CPEB3: variants seen among roughly 807,000 people sequenced by gnomAD.
The protein encoded by CPEB3 is cytoplasmic polyadenylation element-binding protein 3.
In CPEB3, 20 loss-of-function variants were observed where a neutral mutation model predicts 67.2. The ratio of observed to expected loss-of-function variants is 0.30; its 90% CI spans 0.21 to 0.43. The LOEUF (loss-of-function observed/expected upper bound fraction) is 0.43, where lower values mean the gene tolerates loss of function less well. Among genes scored for constraint, CPEB3 ranks in the 20% least tolerant of loss-of-function variants. The pLI is 1.00. For missense variants in CPEB3, 746 were observed against 968.6 expected (o/e 0.77, Z 3.05); for synonymous variants, 376 against 393.1 (o/e 0.96, Z 0.51).
intron 6 of CPEB3, among the ~76,000 whole-genome samples, chr10:92,113,141 A>C (rs538749595): frequency 6.6e-6 from 1 of 152,356 alleles, no homozygotes; most frequent in South Asian, 2.1e-4. Flanking sequence ...TAGTTGCAAG[A>C]GAGAGACTGC....
intron 2 of CPEB3, among the ~76,000 whole-genome samples, chr10:92,207,626 C>A (rs1275721794): frequency 2.6e-5 from 4 of 152,190 alleles, no homozygotes; most frequent in African/African-American, 9.7e-5. Context: ...AATACCAGCA[C>A]TTTGGGAGGC....
chr10:92,093,211 C>A (rs993581893), intron 7 of CPEB3, among the ~76,000 whole-genome samples: 1 of 152,128 alleles, frequency 6.6e-6, no homozygotes, highest in Admixed American at 6.6e-5. Flanking sequence ...AGAAAGGGAA[C>A]CTGGTATCTG....
intron 7 of CPEB3, among the ~76,000 whole-genome samples, chr10:92,097,725 A>C (rs1015341340): frequency 2.0e-5 from 3 of 152,178 alleles, no homozygotes; most frequent in Non-Finnish European, 4.4e-5. Flanking sequence ...AAGGTTTCCC[A>C]AAGTGTGTTC....
At chr10:92,063,494 G>A (rs1348717191) in intron 9 of CPEB3, among the ~76,000 whole-genome samples, 2 of 152,242 alleles carry the variant, frequency 1.3e-5, no homozygotes, top group Admixed American at 6.5e-5. Context: ...GCCGGGCCCA[G>A]TGGCTCACGC....
intron 6 of CPEB3, among the ~76,000 whole-genome samples, chr10:92,133,900 CCAA>C (rs990348774): frequency 3.8e-4 from 58 of 152,142 alleles, no homozygotes; most frequent in African/African-American, 1.4e-3. Flanking sequence ...ATAAACAGAA[CCAA>C]CAACAACAAA....
chr10:92,102,272 AG>A (rs1590140540), intron 7 of CPEB3, among the ~76,000 whole-genome samples: 1 of 152,188 alleles, frequency 6.6e-6, no homozygotes, highest in East Asian at 1.9e-4. Flanking sequence ...TCAGGCCTCA[AG>A]GCAAAAAGCT....
intron 4 of CPEB3, among the ~76,000 whole-genome samples, chr10:92,170,276 A>T (rs1847941152): frequency 6.6e-6 from 1 of 152,252 alleles, no homozygotes. Flanking sequence ...TTTAACATAT[A>T]AGATACTAAT....
chr10:92,218,807 CCTTTT>C (rs1850559228), intron 2 of CPEB3, among the ~76,000 whole-genome samples: 1 of 152,096 alleles, frequency 6.6e-6, no homozygotes, highest in African/African-American at 2.4e-5. Flanking sequence ...CACTTCCCCA[CCTTTT>C]CTTTTTTTTT....
chr10:92,108,547 A>C (rs1400910018), intron 7 of CPEB3, among the ~76,000 whole-genome samples: 5 of 152,206 alleles, frequency 3.3e-5, no homozygotes, highest in Non-Finnish European at 7.3e-5. Context: ...AGTTCATTAA[A>C]ATTGCAGGTG....
At chr10:92,290,550 G>C (rs1192092615) in intron 1 of CPEB3, among the ~76,000 whole-genome samples, 1 of 152,156 alleles carries the variant, frequency 6.6e-6, no homozygotes, top group East Asian at 1.9e-4. Context: ...TCCTGGAGAG[G>C]GAGAGAATCA....
chr10:92,077,708 C>G (rs1842986908), intron 9 of CPEB3, among the ~76,000 whole-genome samples: 1 of 150,668 alleles, frequency 6.6e-6, no homozygotes, highest in African/African-American at 2.4e-5. Context: ...GCACTCCAGC[C>G]TGGGTGACAG....
chr10:92,192,740 C>G (rs1849041881), intron 2 of CPEB3, 104 bp from the exon 3 acceptor site: 1 of 772,506 alleles, frequency 1.3e-6, no homozygotes, highest in Non-Finnish European at 2.0e-6. Context: ...ATGAAAGTTA[C>G]AGAGAGCCCC....
chr10:92,249,597 G>C (rs186518619), intron 1 of CPEB3, among the ~76,000 whole-genome samples: 2 of 151,152 alleles, frequency 1.3e-5, no homozygotes, highest in African/African-American at 2.4e-5. Context: ...GCAGTGAGCT[G>C]AGATCACACC....
At chr10:92,247,265 T>C (rs1852111524) in intron 1 of CPEB3, among the ~76,000 whole-genome samples, 1 of 152,218 alleles carries the variant, frequency 6.6e-6, no homozygotes, top group Non-Finnish European at 1.5e-5. Flanking sequence ...TCGCCCAAGC[T>C]GGAGTGCAGT....
At chr10:92,224,168 G>A (rs1382513736) in intron 2 of CPEB3, among the ~76,000 whole-genome samples, 2 of 152,156 alleles carry the variant, frequency 1.3e-5, no homozygotes, top group African/African-American at 2.4e-5. Flanking sequence ...CCAAAGTGCT[G>A]GGATTACAGG....
chr10:92,156,666 T>C (rs988815268), intron 4 of CPEB3, among the ~76,000 whole-genome samples: 2 of 152,208 alleles, frequency 1.3e-5, no homozygotes, highest in African/African-American at 4.8e-5. Flanking sequence ...TGGTACAAAA[T>C]ATGTCTTAAT....
At chr10:92,114,541 A>G (rs754064662) in intron 6 of CPEB3, among the ~76,000 whole-genome samples, 1 of 152,272 alleles carries the variant, frequency 6.6e-6, no homozygotes, top group East Asian at 1.9e-4. Context: ...CTATGTGATA[A>G]TAACAGCTAA....
chr10:92,227,766 T>C (rs1002623693), intron 2 of CPEB3, among the ~76,000 whole-genome samples: 6 of 152,138 alleles, frequency 3.9e-5, no homozygotes, highest in African/African-American at 1.4e-4. Context: ...TAATTTTTTG[T>C]ATTTTTAGTA....
At chr10:92,111,975 A>G (rs892810081) in intron 6 of CPEB3, among the ~76,000 whole-genome samples, 1 of 152,226 alleles carries the variant, frequency 6.6e-6, no homozygotes, top group African/African-American at 2.4e-5. Flanking sequence ...GGCAGAGTAC[A>G]GTAGGTCTAG....
Sources: allele counts gnomAD v4.1 joint callset (sites outside exome capture counted in the v4.1 genomes callset), GRCh38; gene constraint gnomAD v4.1.1; transcripts MANE v1.5; gene names NCBI Gene and HGNC (gene_info 2026-07-23, HGNC 2026-07-21).